CRYBG1: variants seen among roughly 807,000 people sequenced by gnomAD.
CRYBG1 encodes the protein beta/gamma crystallin domain-containing protein 1.
In CRYBG1, 139 loss-of-function variants were observed where a neutral mutation model predicts 189.2. The ratio of observed to expected loss-of-function variants is 0.73; its 90% CI spans 0.64 to 0.85. The LOEUF is 0.85. CRYBG1 is among the 40% of genes least tolerant of loss of function. The probability of loss-of-function intolerance (pLI) is 0.00; values close to 1 mark genes in which losing one functional copy is unlikely to be tolerated. For synonymous variants in CRYBG1, 1,023 were observed against 1,017.1 expected (o/e 1.01, Z -0.11); for missense variants, 2,611 against 2,675.8 (o/e 0.98, Z 0.53).
chr6:106,555,744 T>C (rs1562117972), intron 16 of CRYBG1, 24 bp from the exon 17 acceptor site: 1 of 1,613,796 alleles, frequency 6.2e-7, no homozygotes, highest in Non-Finnish European at 8.5e-7. Flanking sequence ...ATTCTGTGCA[T>C]GTGTGTGGTT....
chr6:106,394,218 T>C (rs1056166800), intron 1 of CRYBG1, among the ~76,000 whole-genome samples: 5 of 152,206 alleles, frequency 3.3e-5, no homozygotes, highest in African/African-American at 1.2e-4. Context: ...TGTCTCTACA[T>C]CGTTTATCCT....
At chr6:106,394,467 T>A (rs575495507) in intron 1 of CRYBG1, among the ~76,000 whole-genome samples, 9 of 152,348 alleles carry the variant, frequency 5.9e-5, no homozygotes, top group African/African-American at 2.2e-4. Context: ...GCTTCTCTAA[T>A]GTTCTTGTGA....
chr6:106,451,579 A>G, intron 1 of CRYBG1, 115 bp from the exon 2 acceptor site: 2 of 1,049,790 alleles, frequency 1.9e-6, no homozygotes, highest in South Asian at 2.1e-5. Context: ...AGAATGATTC[A>G]TTATTTGGGC....
chr6:106,392,478 C>T (rs754634450), intron 1 of CRYBG1, among the ~76,000 whole-genome samples: 1 of 152,040 alleles, frequency 6.6e-6, no homozygotes, highest in Non-Finnish European at 1.5e-5. Context: ...TAGGGAGGCC[C>T]AGTGAAGGCA....
chr6:106,366,058 G>A (rs891027096), intron 1 of CRYBG1, among the ~76,000 whole-genome samples: 2 of 152,096 alleles, frequency 1.3e-5, no homozygotes, highest in Non-Finnish European at 2.9e-5. Flanking sequence ...TATCTGGAGC[G>A]TTTTTCTTTT....
At chr6:106,427,839 C>A (rs74351021) in intron 1 of CRYBG1, among the ~76,000 whole-genome samples, 1,990 of 152,282 alleles carry the variant, frequency 0.013, 47 homozygotes, top group African/African-American at 0.045. Context: ...TGCATCACCT[C>A]CTGCCTCTGT....
chr6:106,538,592 C>T (rs113877088), intron 8 of CRYBG1, among the ~76,000 whole-genome samples: 4 of 151,998 alleles, frequency 2.6e-5, no homozygotes, highest in African/African-American at 7.3e-5. Context: ...GAAAAATTGC[C>T]ATCACAAAAA....
intron 1 of CRYBG1, among the ~76,000 whole-genome samples, chr6:106,430,157 T>C (rs948408812): frequency 2.0e-5 from 3 of 152,174 alleles, no homozygotes; most frequent in African/African-American, 4.8e-5. Flanking sequence ...AGACTGGGCA[T>C]GGTGGCTCAG....
chr6:106,398,553 AG>A lies in CRYBG1; in HGVS notation c.173+37474del, dbSNP rs555368748. Among the ~76,000 whole-genome samples the A allele has an allele frequency of 7.3e-3, 1,119 of 152,354 alleles. 12 individuals carry two copies. Among genetic ancestry groups the A allele is most frequent in the Non-Finnish European group, 0.012 (833 of 68,032 alleles). On this transcript the variant is annotated intron_variant, in intron 1 of 21. Transcript: ENST00000633556. ...CAAAAATCTATTCTATAAAATATAC[AG>A]GAAGTACATTCTTTTGAACTAGAAG...
chr6:106,561,411 G>A lies in CRYBG1; in HGVS notation c.6049G>A (p.Asp2017Asn). 6.2e-7 allele frequency: 1 copy of A among 1,614,122 alleles called. No homozygotes were observed. The change falls in exon 20 of 22, where the codon GAT (aspartate) becomes AAT (asparagine). Residue 2017 changes from aspartate (D) to asparagine (N), a missense_variant. By Grantham distance (23) the Asp-to-Asn change is conservative. This residue lies in a region of CRYBG1 where 1,622 missense variants were observed against 1,735.0 expected (regional missense o/e 0.93). Coordinates refer to ENST00000633556, the MANE Select transcript of CRYBG1 (RefSeq NM_001371242.2). ...LFMSTNGNLEDLKLLRIQVME... is the reference protein window; with the variant it reads ...LFMSTNGNLENLKLLRIQVME... ...CATGTCAACCAATGGAAACTTAGAG[G>A]ATCTGAAGCTTCTGAGGATACAGGT... is the stretch of plus-strand genomic sequence containing the variant.
Position 106,568,842 on chromosome 6 carries a change from A to T in CRYBG1, c.*276A>T. ...TTGCCTAATTAGCAGCTTTTGGGTG[A>T]TTTTGTAAAATGTTATATCAAGATT... is the stretch of plus-strand genomic sequence containing the variant. On this transcript the variant is annotated 3_prime_UTR_variant, in exon 22 of 22. Coordinates refer to ENST00000633556, the MANE Select transcript of CRYBG1 (RefSeq NM_001371242.2). 3.0e-6 allele frequency: 1 copy of T among 334,760 alleles called. No homozygotes were observed. The highest frequency in any genetic ancestry group is 5.5e-6 in the Non-Finnish European group (1 of 180,514). The allele number at this position is 334,760 out of a possible 1,614,324, so 20.7% of individuals were successfully genotyped here. A position where few individuals can be genotyped will look rare whatever the true frequency, so the allele number is the denominator to read the frequency against.
chr6:106,487,904 T>C, intron 2 of CRYBG1, among the ~76,000 whole-genome samples: 1 of 152,224 alleles, frequency 6.6e-6, no homozygotes, highest in East Asian at 1.9e-4. Flanking sequence ...TACATTGATA[T>C]CTGTCCATCT....
intron 1 of CRYBG1, among the ~76,000 whole-genome samples, chr6:106,376,845 G>A (rs1322958351): frequency 6.6e-6 from 1 of 152,136 alleles, no homozygotes; most frequent in East Asian, 1.9e-4. Context: ...TAGGTTTAGG[G>A]CTTTGTACTG....
intron 2 of CRYBG1, among the ~76,000 whole-genome samples, chr6:106,510,610 G>T (rs1582805618): frequency 6.6e-6 from 1 of 152,232 alleles, no homozygotes; most frequent in Non-Finnish European, 1.5e-5. Context: ...GGGTCCCGGG[G>T]CGGAGTAGGC....
intron 2 of CRYBG1, among the ~76,000 whole-genome samples, chr6:106,460,736 C>T (rs1771993485): frequency 6.6e-6 from 1 of 152,160 alleles, no homozygotes; most frequent in Admixed American, 6.5e-5. Flanking sequence ...TCCTCCCTCT[C>T]ACTCACTCCA....
chr6:106,440,578 T>C (rs1582764089), intron 1 of CRYBG1, among the ~76,000 whole-genome samples: 1 of 152,352 alleles, frequency 6.6e-6, no homozygotes, highest in Admixed American at 6.5e-5. Flanking sequence ...CTTTCTTTTT[T>C]TCTTTCCATT....
intron 1 of CRYBG1, among the ~76,000 whole-genome samples, chr6:106,437,734 G>C (rs1249700411): frequency 6.6e-6 from 1 of 152,192 alleles, no homozygotes; most frequent in Non-Finnish European, 1.5e-5. Context: ...ACTGCACCTA[G>C]CCTTTCTTTT....
Position 106,571,925 on chromosome 6 carries a change from C to T in CRYBG1, c.*3359C>T. ...CTGGAAAAATGTTTGAAAGGGATGGCTAGAAAAAAATTTGGGCTCACAGGC... is the reference window on the plus strand; with the variant it reads ...CTGGAAAAATGTTTGAAAGGGATGGTTAGAAAAAAATTTGGGCTCACAGGC... On this transcript the variant is annotated 3_prime_UTR_variant, in exon 22 of 22. Coordinates refer to ENST00000633556, the MANE Select transcript of CRYBG1 (RefSeq NM_001371242.2). 2.0e-6 allele frequency: 2 copies of T among 992,376 alleles called. No homozygotes were observed. Among genetic ancestry groups the T allele is most frequent in the East Asian group, 4.8e-5 (2 of 41,684 alleles). The allele number at this position is 992,376 out of a possible 1,614,324, so 61.5% of individuals were successfully genotyped here.
At chr6:106,518,902 CA>C (rs1454488330) in intron 3 of CRYBG1, among the ~76,000 whole-genome samples, 1 of 151,734 alleles carries the variant, frequency 6.6e-6, no homozygotes, top group Non-Finnish European at 1.5e-5. Context: ...GAGGCTGCAG[CA>C]ATCTATGATC....
Sources: gnomAD v4.1 joint callset for allele counts (sites outside exome capture counted in the v4.1 genomes callset) on GRCh38, gnomAD v4.1.1 for gene constraint, gnomAD v4.1.1 regional missense constraint, MANE v1.5 for transcripts, NCBI Gene and HGNC (gene_info 2026-07-23, HGNC 2026-07-21) for gene names.